Variants in ARHGAP42 observed in about 807,000 individuals in gnomAD.
The protein encoded by ARHGAP42 is rho GTPase-activating protein 42.
A neutral mutation model predicts 125.0 loss-of-function variants in ARHGAP42; 63 were observed. That is an observed-to-expected ratio of 0.50 (90% confidence interval 0.41 to 0.62). The LOEUF (loss-of-function observed/expected upper bound fraction) is 0.62, where lower values mean the gene tolerates loss of function less well. ARHGAP42 is among the 20% of genes least tolerant of loss of function. ARHGAP42 has a pLI of 0.00. For missense variants in ARHGAP42, 766 were observed against 1,024.2 expected, an observed-to-expected ratio of 0.75 and a Z score of 3.44; for synonymous variants, 339 against 351.0, an observed-to-expected ratio of 0.97 and a Z score of 0.38.
chr11:100,703,568 T>G (rs1347680029), intron 1 of ARHGAP42, among the ~76,000 whole-genome samples: 1 of 152,252 alleles, frequency 6.6e-6, no homozygotes, highest in East Asian at 1.9e-4. Flanking sequence ...CCACTCAAAT[T>G]AGATCTGCTT....
At chr11:100,811,573 C>A (rs545769356) in intron 3 of ARHGAP42, among the ~76,000 whole-genome samples, 1 of 148,772 alleles carries the variant, frequency 6.7e-6, no homozygotes, top group Non-Finnish European at 1.5e-5. Context: ...GGTGTGATCT[C>A]GGCTCACTTC....
chr11:100,828,832 C>T (rs922858257), intron 3 of ARHGAP42, among the ~76,000 whole-genome samples: 8 of 151,904 alleles, frequency 5.3e-5, no homozygotes, highest in South Asian at 2.1e-4. Flanking sequence ...TGATTACAGG[C>T]GGAAGCCACC....
intron 2 of ARHGAP42, among the ~76,000 whole-genome samples, chr11:100,771,586 T>C (rs2134991230): frequency 6.6e-6 from 1 of 152,226 alleles, no homozygotes; most frequent in Admixed American, 6.5e-5. Flanking sequence ...CTTTAATGTC[T>C]GTAGGAAACA....
At chr11:100,852,516 G>A (rs938602642) in intron 3 of ARHGAP42, among the ~76,000 whole-genome samples, 3 of 152,136 alleles carry the variant, frequency 2.0e-5, no homozygotes, top group South Asian at 2.1e-4. Context: ...AGCATTAAGC[G>A]GGAGGAAGGG....
Position 100,982,765 on chromosome 11 carries a change from A to G in ARHGAP42, c.2456+3716A>G, listed in dbSNP as rs556367396. 9.2e-5 allele frequency among the ~76,000 whole-genome samples: 14 copies of G among 152,332 alleles called. No individual in the cohort carries two copies. The East Asian group carries it at 1.2e-3, about 13-fold the overall frequency. ...TCATTGTAAACAATCAAATGTTTCT[A>G]TTATCAAATTTTAAAAGACAAATAT... On this transcript the variant is annotated intron_variant, in intron 22 of 23. Coordinates refer to ENST00000298815, the MANE Select transcript of ARHGAP42 (RefSeq NM_152432.4).
At chr11:100,781,341 T>G (rs1288502824) in intron 2 of ARHGAP42, among the ~76,000 whole-genome samples, 1 of 152,160 alleles carries the variant, frequency 6.6e-6, no homozygotes, top group East Asian at 1.9e-4. Context: ...AATGTTGGCT[T>G]GGTTTCCCAA....
rs139227989 is a variant in ARHGAP42, at chr11:100,796,923, C to G, written c.312+1757C>G. ...TAGCTGGGATTGTAGGTGCACCCCA[C>G]CCACCTGGCTAATTATTGTATTTTT... On this transcript the variant is annotated intron_variant, in intron 3 of 23. Transcript: ENST00000298815. Among the ~76,000 whole-genome samples the G allele has an allele frequency of 3.7e-3, 561 of 152,178 alleles. 6 individuals carry two copies. Among genetic ancestry groups the G allele is most frequent in the African/African-American group, 0.013 (535 of 41,520 alleles).
Position 100,974,470 on chromosome 11 carries a change from T to A in ARHGAP42, c.1722T>A (p.Thr574=), listed in dbSNP as rs926726710. ...TTTCTTATACGTAGATTTTTCATACTGCTCCAGACCCAAGCATTCCTCTTC... is the reference window on the plus strand; with the variant it reads ...TTTCTTATACGTAGATTTTTCATACAGCTCCAGACCCAAGCATTCCTCTTC... ...LIEHYEKIFH[T]APDPSIPLPQ... is the part of the protein sequence containing the mutation. Residue 574 remains threonine (T), a synonymous_variant, in exon 19 of 24, where the codon ACT becomes ACA. Transcript: ENST00000298815. 3.0e-5 allele frequency: 46 copies of A among 1,548,302 alleles called. 1 individual carries two copies. The Middle Eastern group carries it at 8.4e-4, about 28-fold the overall frequency.
At chr11:100,708,287 G>A (rs920993745) in intron 1 of ARHGAP42, among the ~76,000 whole-genome samples, 6 of 152,284 alleles carry the variant, frequency 3.9e-5, no homozygotes, top group African/African-American at 1.4e-4. Context: ...CTAGGTAGGA[G>A]GATTGTTTGA....
chr11:100,907,438 G>C (rs1866770141), intron 4 of ARHGAP42, among the ~76,000 whole-genome samples: 1 of 152,192 alleles, frequency 6.6e-6, no homozygotes, highest in South Asian at 2.1e-4. Flanking sequence ...GAAAGCAAGA[G>C]ATATGGTGAA....
rs201861404 is a variant in ARHGAP42, at chr11:100,858,086, G to GGTGTGTGTGTGTGTGTGT, written c.313-1447_313-1430dup. Among the ~76,000 whole-genome samples, 213 of 109,004 alleles carry GGTGTGTGTGTGTGTGTGT rather than the reference G, an allele frequency of 2.0e-3. 1 individual carries two copies. Among genetic ancestry groups the GGTGTGTGTGTGTGTGTGT allele is most frequent in the African/African-American group, 5.3e-3 (177 of 33,504 alleles). 71.5% of individuals were successfully genotyped at this position (109,004 alleles called of 152,430 possible). A position where few individuals can be genotyped will look rare whatever the true frequency, so the allele number is the denominator to read the frequency against. The stretch of plus-strand genomic sequence containing the variant: ...GTCGCATCTGTACAATCTGGATAGG[G>GGTGTGTGTGTGTGTGTGT]GTGTGTGTGTGTGTGTGTGTGTGTG... On this transcript the variant is annotated intron_variant, in intron 3 of 23. Transcript: ENST00000298815.
intron 4 of ARHGAP42, among the ~76,000 whole-genome samples, chr11:100,892,184 A>G (rs1263315622): frequency 6.6e-6 from 1 of 152,198 alleles, no homozygotes; most frequent in African/African-American, 2.4e-5. Context: ...AATAGTAAAA[A>G]CTGTATTTTA....
chr11:100,802,985 A>G (rs1863897351), intron 3 of ARHGAP42, among the ~76,000 whole-genome samples: 1 of 152,214 alleles, frequency 6.6e-6, no homozygotes, highest in African/African-American at 2.4e-5. Flanking sequence ...TATAACAGAA[A>G]TACCTGCGCT....
At chr11:100,863,605 G>T (rs1000348612) in intron 4 of ARHGAP42, among the ~76,000 whole-genome samples, 2 of 152,210 alleles carry the variant, frequency 1.3e-5, no homozygotes, top group Non-Finnish European at 2.9e-5. Flanking sequence ...AGAGGCATTA[G>T]AAAAGATTAG....
intron 7 of ARHGAP42, among the ~76,000 whole-genome samples, chr11:100,934,596 A>C (rs1316096064): frequency 6.6e-6 from 1 of 152,188 alleles, no homozygotes; most frequent in Non-Finnish European, 1.5e-5. Flanking sequence ...GAGCCAACCT[A>C]TTTCACATTA....
chr11:100,964,338 T>C (rs140838138), intron 16 of ARHGAP42, among the ~76,000 whole-genome samples: 2 of 152,194 alleles, frequency 1.3e-5, no homozygotes, highest in Non-Finnish European at 2.9e-5. Context: ...ATTCTCACTT[T>C]CCTTCCCAGT....
At chr11:100,880,547 C>G (rs1865935252) in intron 4 of ARHGAP42, among the ~76,000 whole-genome samples, 1 of 152,112 alleles carries the variant, frequency 6.6e-6, no homozygotes, top group Non-Finnish European at 1.5e-5. Context: ...GCAATTTGTG[C>G]TACTACAAAC....
chr11:100,969,639 T>C (rs1022396138), intron 17 of ARHGAP42, among the ~76,000 whole-genome samples: 2 of 152,176 alleles, frequency 1.3e-5, no homozygotes, highest in African/African-American at 4.8e-5. Flanking sequence ...CATTTGGTTC[T>C]TATTTTTAAA....
At chr11:100,764,476 T>G (rs1400606657) in intron 1 of ARHGAP42, among the ~76,000 whole-genome samples, 1 of 152,202 alleles carries the variant, frequency 6.6e-6, no homozygotes, top group East Asian at 1.9e-4. Context: ...GCACTGGCCC[T>G]CATAGCTTTG....
Sources: gnomAD v4.1 joint callset for allele counts (sites outside exome capture counted in the v4.1 genomes callset) on GRCh38, gnomAD v4.1.1 for gene constraint, MANE v1.5 for transcripts, NCBI Gene and HGNC (gene_info 2026-07-23, HGNC 2026-07-21) for gene names.